Variants in EFCAB8 observed in about 807,000 individuals in gnomAD.
The protein encoded by EFCAB8 is EF-hand calcium binding domain 8, also known as EF-hand calcium-binding domain-containing protein 8.
Under a neutral mutation model 116.3 loss-of-function variants are expected in EFCAB8, and 100 were observed. The observed-to-expected ratio is 0.86, with a 90% CI of 0.73 to 1.02. The LOEUF is 1.02. Ranked by LOEUF, EFCAB8 falls within the 50% of genes least tolerant of loss-of-function variation. The pLI, the probability that EFCAB8 is intolerant of heterozygous loss-of-function variation, is 0.00. For missense variants in EFCAB8, 1,320 were observed against 1,416.9 expected, an observed-to-expected ratio of 0.93 and a Z score of 1.10; for synonymous variants, 558 against 567.9, an observed-to-expected ratio of 0.98 and a Z score of 0.25.
At chr20:32,921,831 CTTTT>C (rs11483441) in intron 20 of EFCAB8, among the ~76,000 whole-genome samples, 1 of 130,218 alleles carries the variant, frequency 7.7e-6, no homozygotes, top group African/African-American at 2.9e-5. Context: ...TTACCTTATT[CTTTT>C]TTTTTTTTTT....
chr20:32,922,436 A>G (rs1987499023), intron 20 of EFCAB8, among the ~76,000 whole-genome samples: 2 of 152,202 alleles, frequency 1.3e-5, no homozygotes, highest in Admixed American at 6.5e-5. Context: ...CATTCGCTAC[A>G]TGCCAGCCGC....
rs370918928 is a variant in EFCAB8 at position 32,884,949 on chromosome 20, G to A, written c.432-556G>A. On this transcript the variant is annotated intron_variant, in intron 5 of 26. Transcript: ENST00000400522. ...TGAATGCTCAAGGGCGGCCTCCTGC[G>A]AGGCCAGGCCTGCCCCCGGAGCTGT... Among the ~76,000 whole-genome samples, 91 of 152,344 alleles carry A rather than the reference G, an allele frequency of 6.0e-4. 3 individuals are homozygous for A. In the South Asian group the frequency reaches 0.017, roughly 29 times the overall value.
At chr20:32,935,484 G>A (rs1479148959) in intron 22 of EFCAB8, among the ~76,000 whole-genome samples, 1 of 151,036 alleles carries the variant, frequency 6.6e-6, no homozygotes, top group East Asian at 2.0e-4. Flanking sequence ...ACAGGCATGA[G>A]CCACTGCACC....
In EFCAB8 at chr20:32,930,451, C is replaced by T; in HGVS notation, c.2466C>T (p.Ser822=). 6.4e-7 allele frequency: 1 copy of T among 1,551,842 alleles called. No homozygotes were observed. The highest frequency in any genetic ancestry group is 8.7e-7 in the Non-Finnish European group (1 of 1,147,040). Residue 822 remains serine, a synonymous_variant, in exon 21 of 27, where the codon AGC becomes AGT. Coordinates refer to ENST00000400522, the MANE Select transcript of EFCAB8 (RefSeq NM_001143967.2). ...PRLPHTAALL[S]SCMDGYIYAW... ...TGCCGCACACGGCTGCCCTGCTGAG[C>T]AGCTGCATGGACGGCTACATCTACG...
At chr20:32,874,976 T>G (rs147417718) in intron 3 of EFCAB8, among the ~76,000 whole-genome samples, 2,740 of 152,288 alleles carry the variant, frequency 0.018, 83 homozygotes, top group African/African-American at 0.063. Context: ...CTCGAACTCC[T>G]AGCCTCAGGT....
At position 32,893,214 on chromosome 20, in the gene EFCAB8, A is replaced by G. The variant is rs1568914104; in HGVS notation, c.799A>G (p.Lys267Glu). 1 of 1,552,028 alleles carries G rather than the reference A, an allele frequency of 6.4e-7. No homozygotes were observed. The highest frequency in any genetic ancestry group is 2.4e-5 in the East Asian group (1 of 40,906). ...AGGTGTGTTCTGCTATGGAGACGCC[A>G]AAGGCAACGTCATTGTCTTCACCTC... ...HRGVFCYGDAKGNVIVFTSEN... is the reference protein window; with the variant it reads ...HRGVFCYGDAEGNVIVFTSEN... The change falls in exon 9 of 27, where the codon AAA becomes GAA. Residue 267 changes from lysine to glutamate, a missense_variant. Transcript: ENST00000400522.
rs1185666759 is a variant in EFCAB8 at position 32,959,860 on chromosome 20, G to T, written c.3172G>T (p.Asp1058Tyr). The change falls in exon 25 of 27, where the codon GAT becomes TAT. Residue 1058 changes from aspartate to tyrosine, a missense_variant. Physicochemically the swap from Asp to Tyr is radical, Grantham distance 160. Coordinates refer to ENST00000400522, the MANE Select transcript of EFCAB8 (RefSeq NM_001143967.2). ...ALMALLHGKADKEADTWAKLQ... is the reference protein window; with the variant it reads ...ALMALLHGKAYKEADTWAKLQ... Reference sequence around the variant, plus strand: ...GATGGCTCTCCTGCATGGGAAGGCAGATAAGGAGGCAGACACTTGGGCCAA... The same window carrying T: ...GATGGCTCTCCTGCATGGGAAGGCATATAAGGAGGCAGACACTTGGGCCAA... 4 of 1,550,638 alleles carry T rather than the reference G, an allele frequency of 2.6e-6. No individual in the cohort carries two copies.
chr20:32,882,984 C>T (rs540411887), intron 5 of EFCAB8, among the ~76,000 whole-genome samples: 9 of 152,154 alleles, frequency 5.9e-5, no homozygotes, highest in East Asian at 3.9e-4. Flanking sequence ...CGTAAGCCAC[C>T]GCGCCTGGCC....
chr20:32,867,392 G>A (rs780423873), intron 2 of EFCAB8, among the ~76,000 whole-genome samples, 190 bp from the exon 3 acceptor site: 21 of 152,258 alleles, frequency 1.4e-4, no homozygotes, highest in Non-Finnish European at 2.8e-4. Context: ...TCCAAAGTCG[G>A]AAGAGTCTAG....
Position 32,961,797 on chromosome 20 carries a change from G to A in EFCAB8, c.*188G>A, listed in dbSNP as rs867820482. Among the ~76,000 whole-genome samples the A allele has an allele frequency of 6.6e-6, 1 of 152,242 alleles. No individual in the cohort carries two copies. Among genetic ancestry groups the A allele is most frequent in the African/African-American group, 2.4e-5 (1 of 41,470 alleles). On this transcript the variant is annotated 3_prime_UTR_variant, in exon 27 of 27. Coordinates refer to ENST00000400522, the MANE Select transcript of EFCAB8 (RefSeq NM_001143967.2). ...TCTCTCTGGCCCCGCACAGAGCCCT[G>A]GGGCAGAAAATAAATGTTCTCAGCT...
At chr20:32,894,217 AC>A (rs1302769473) in intron 9 of EFCAB8, among the ~76,000 whole-genome samples, 1 of 152,114 alleles carries the variant, frequency 6.6e-6, no homozygotes, top group African/African-American at 2.4e-5. Context: ...AGGGCCACCA[AC>A]CCCCTCTTCC....
chr20:32,923,914 G>A (rs1038538528), intron 20 of EFCAB8, among the ~76,000 whole-genome samples: 3 of 152,084 alleles, frequency 2.0e-5, no homozygotes, highest in Non-Finnish European at 4.4e-5. Flanking sequence ...TGGATCTCTT[G>A]TCTATTTCCA....
intron 20 of EFCAB8, 87 bp from the exon 21 acceptor site, chr20:32,930,311 G>A: frequency 9.0e-7 from 1 of 1,116,538 alleles, no homozygotes; most frequent in South Asian, 1.5e-5. Flanking sequence ...GGGGGACCAG[G>A]TGGGTGTGGT....
intron 20 of EFCAB8, among the ~76,000 whole-genome samples, chr20:32,924,853 C>A (rs1275736533): frequency 6.6e-6 from 1 of 152,152 alleles, no homozygotes; most frequent in African/African-American, 2.4e-5. Flanking sequence ...TGGATGCTGA[C>A]CCTCACCCCT....
At chr20:32,945,293 C>T (rs1296184438) in intron 23 of EFCAB8, among the ~76,000 whole-genome samples, 2 of 152,026 alleles carry the variant, frequency 1.3e-5, no homozygotes, top group Non-Finnish European at 2.9e-5. Context: ...GTAGCTGGGA[C>T]TACAGGTGCA....
At chr20:32,864,843 A>G (rs952559895) in intron 2 of EFCAB8, among the ~76,000 whole-genome samples, 7 of 152,214 alleles carry the variant, frequency 4.6e-5, no homozygotes, top group African/African-American at 1.4e-4. Flanking sequence ...AGAGCTCACT[A>G]TGAGACAAGG....
intron 23 of EFCAB8, among the ~76,000 whole-genome samples, chr20:32,947,053 A>G (rs370447821): frequency 6.6e-6 from 1 of 152,152 alleles, no homozygotes; most frequent in East Asian, 1.9e-4. Context: ...CATTTGAGTC[A>G]TTGTCAGTTT....
intron 23 of EFCAB8, among the ~76,000 whole-genome samples, chr20:32,951,205 A>G (rs997551082): frequency 6.6e-6 from 1 of 152,242 alleles, no homozygotes; most frequent in African/African-American, 2.4e-5. Flanking sequence ...ATGAAAGCAT[A>G]TGCCCGGGTA....
chr20:32,878,025 A>G (rs997889263), intron 4 of EFCAB8, among the ~76,000 whole-genome samples: 1 of 152,104 alleles, frequency 6.6e-6, no homozygotes, highest in African/African-American at 2.4e-5. Context: ...CACACCTTTA[A>G]TCCTAGAACT....
Sources: allele counts gnomAD v4.1 joint callset (sites outside exome capture counted in the v4.1 genomes callset), GRCh38; gene constraint gnomAD v4.1.1; transcripts MANE v1.5; gene names NCBI Gene and HGNC (gene_info 2026-07-23, HGNC 2026-07-21).